Variants in ANKRD42 observed in about 807,000 individuals in gnomAD.
ANKRD42 encodes ankyrin repeat domain-containing protein 42.
A neutral mutation model predicts 51.5 loss-of-function variants in ANKRD42; 43 were observed. The observed-to-expected ratio is 0.83, with a 90% confidence interval of 0.65 to 1.08. ANKRD42 has a LOEUF of 1.08. ANKRD42 is among the 50% of genes least tolerant of loss of function. The pLI, the probability that ANKRD42 is intolerant of heterozygous loss-of-function variation, is 0.00. For missense variants in ANKRD42, 608 were observed against 629.3 expected, an observed-to-expected ratio of 0.97 and a Z score of 0.36; for synonymous variants, 203 against 213.0, an observed-to-expected ratio of 0.95 and a Z score of 0.41.
chr11:83,248,173 T>C lies in ANKRD42; in HGVS notation c.1553T>C (p.Leu518Ser), dbSNP rs1288530824. 1 of 1,525,138 alleles carries C rather than the reference T, an allele frequency of 6.6e-7. No homozygotes were observed. The highest frequency in any genetic ancestry group is 2.0e-5 in the Admixed American group (1 of 49,268). 94.5% of individuals were successfully genotyped at this position (1,525,138 alleles called of 1,614,324 possible). Residue 518 changes from leucine (L) to serine (S), a missense_variant, in exon 11 of 11, where the codon TTG (leucine) becomes TCG (serine). Leu to Ser is a moderately radical substitution (Grantham distance 145). Transcript: ENST00000533342. ...PRVQALGWGS[L>S]DLNPGYSLF is the part of the protein sequence containing the mutation. The stretch of plus-strand genomic sequence containing the variant: ...GTACAAGCTTTGGGCTGGGGCTCTT[T>C]GGACTTGAATCCTGGCTATAGTCTT...
At chr11:83,259,684 A>C (rs1863845382), downstream of ANKRD42, 1 of 152,262 alleles carries the variant, frequency 6.6e-6, no homozygotes, top group East Asian at 1.9e-4. Flanking sequence ...ACAGGGTCTC[A>C]TGTGTTGCCA....
intron 7 of ANKRD42, among the ~76,000 whole-genome samples, chr11:83,232,390 A>G (rs1011548789): frequency 6.6e-6 from 1 of 151,664 alleles, no homozygotes; most frequent in Non-Finnish European, 1.5e-5. Context: ...TCCTTTTTGG[A>G]TTGTTCACTG....
intron 5 of ANKRD42, among the ~76,000 whole-genome samples, chr11:83,212,402 A>C (rs900927389): frequency 1.3e-5 from 2 of 152,140 alleles, no homozygotes; most frequent in African/African-American, 4.8e-5. Flanking sequence ...TTTTTTAAAC[A>C]CTACTGCATA....
intron 2 of ANKRD42, among the ~76,000 whole-genome samples, chr11:83,200,516 G>C (rs1286827336): frequency 2.0e-5 from 3 of 152,074 alleles, no homozygotes; most frequent in African/African-American, 7.2e-5. Flanking sequence ...TCATCATTGA[G>C]TTGTTTCAGT....
intron 7 of ANKRD42, among the ~76,000 whole-genome samples, chr11:83,228,953 GTT>G (rs11365016): frequency 2.0e-5 from 3 of 148,400 alleles, no homozygotes; most frequent in African/African-American, 7.4e-5. Context: ...GTTTTTTTTT[GTT>G]TTTTTTTTAA....
intron 5 of ANKRD42, among the ~76,000 whole-genome samples, chr11:83,220,021 G>A (rs75182881): frequency 2.1e-3 from 318 of 152,316 alleles, no homozygotes; most frequent in African/African-American, 6.5e-3. Context: ...AAGTCTAGCC[G>A]GCAGACATTA....
chr11:83,238,699 G>A (rs1356309416), intron 8 of ANKRD42, among the ~76,000 whole-genome samples: 1 of 152,080 alleles, frequency 6.6e-6, no homozygotes, highest in African/African-American at 2.4e-5. Flanking sequence ...GCATGGTGGT[G>A]CTTGCCTGTA....
At chr11:83,261,717 C>A (rs769533899), downstream of ANKRD42, 44 of 404,290 alleles carry the variant, frequency 1.1e-4, no homozygotes, top group Non-Finnish European at 1.7e-4. Context: ...AATAAAGACA[C>A]ACACCTGCAC....
chr11:83,198,659 A>G lies in ANKRD42; in HGVS notation c.222+17A>G, dbSNP rs769791397. 1.9e-5 allele frequency: 29 copies of G among 1,553,776 alleles called. No homozygotes were observed. Among genetic ancestry groups the G allele is most frequent in the East Asian group, 2.4e-5 (1 of 41,548 alleles). Reference sequence around the variant, plus strand: ...AGTTTGGAGGTAAGAAACTATACATATCACTAAACTGAGGTAAGTTTTAGC... The same window carrying G: ...AGTTTGGAGGTAAGAAACTATACATGTCACTAAACTGAGGTAAGTTTTAGC... On this transcript the variant is annotated intron_variant, in intron 2 of 10. Coordinates refer to ENST00000533342, the MANE Select transcript of ANKRD42 (RefSeq NM_001300975.2).
At chr11:83,198,458 A>G (rs1362744478) in intron 1 of ANKRD42, 21 bp from the exon 2 acceptor site, 8 of 1,600,454 alleles carry the variant, frequency 5.0e-6, no homozygotes, top group Non-Finnish European at 6.0e-6. Flanking sequence ...GTACATTGTA[A>G]GTAATTTGAT....
chr11:83,259,315 C>T (rs1863833173), downstream of ANKRD42: 1 of 152,108 alleles, frequency 6.6e-6, no homozygotes, highest in Non-Finnish European at 1.5e-5. Context: ...CAAAAATTTA[C>T]CTGAACCCCA....
intron 8 of ANKRD42, among the ~76,000 whole-genome samples, chr11:83,239,030 C>A (rs765913279): frequency 1.1e-4 from 17 of 151,980 alleles, no homozygotes; most frequent in Non-Finnish European, 2.2e-4. Flanking sequence ...GCATTTCTGT[C>A]AGCAATGGAT....
exon 12 of ANKRD42, chr11:83,256,035 T>C (rs945254609): frequency 2.4e-6 from 2 of 822,862 alleles, no homozygotes; most frequent in Non-Finnish European, 3.6e-6. Flanking sequence ...TACTCTGATA[T>C]GCTTCTGTTC....
intron 1 of ANKRD42, among the ~76,000 whole-genome samples, chr11:83,195,905 C>T (rs371912088): frequency 5.4e-5 from 8 of 148,402 alleles, no homozygotes; most frequent in African/African-American, 1.5e-4. Flanking sequence ...AGTGCAGTGG[C>T]GCGGTCCTCA....
chr11:83,248,327 A>T lies in ANKRD42; in HGVS notation c.*123A>T. 2 of 1,318,258 alleles carry T rather than the reference A, an allele frequency of 1.5e-6. No homozygotes were observed. The highest frequency in any genetic ancestry group is 2.1e-5 in the South Asian group (1 of 47,820). The allele number at this position is 1,318,258 out of a possible 1,614,324, so 81.7% of individuals were successfully genotyped here. On this transcript the variant is annotated 3_prime_UTR_variant, in exon 11 of 11. Coordinates refer to ENST00000533342, the MANE Select transcript of ANKRD42 (RefSeq NM_001300975.2). ...CACACACACACACACACACACACACACACACACACTCTATATGTAACTATA... is the reference window on the plus strand; with the variant it reads ...CACACACACACACACACACACACACTCACACACACTCTATATGTAACTATA...
At chr11:83,202,868 G>C (rs1420138184) in intron 2 of ANKRD42, among the ~76,000 whole-genome samples, 2 of 152,036 alleles carry the variant, frequency 1.3e-5, no homozygotes, top group African/African-American at 2.4e-5. Flanking sequence ...TATTATAGGA[G>C]TCACATCATA....
At chr11:83,237,238 A>G (rs1863250363) in intron 8 of ANKRD42, among the ~76,000 whole-genome samples, 1 of 152,216 alleles carries the variant, frequency 6.6e-6, no homozygotes, top group Non-Finnish European at 1.5e-5. Flanking sequence ...ATACTGTATT[A>G]CATGGTATGT....
At position 83,245,568 on chromosome 11, in the gene ANKRD42, G is replaced by A; in HGVS notation, c.1266G>A (p.Leu422=). The change falls in exon 10 of 11, where the codon TTG becomes TTA. Residue 422 remains leucine, a synonymous_variant. Coordinates refer to ENST00000533342, the MANE Select transcript of ANKRD42 (RefSeq NM_001300975.2). ...LEIAESNYKH[L]GGITEEDLKQ... ...TTGCCGAGAGCAACTATAAACACTT[G>A]GGAGGCATAACAGAAGAAGATTTAA... 6.5e-7 allele frequency: 1 copy of A among 1,536,620 alleles called. No individual in the cohort carries two copies. The highest frequency in any genetic ancestry group is 1.2e-5 in the South Asian group (1 of 84,048).
exon 12 of ANKRD42, chr11:83,256,001 A>C: frequency 8.6e-7 from 1 of 1,160,010 alleles, no homozygotes; most frequent in Non-Finnish European, 1.2e-6. Flanking sequence ...TATAAATGTG[A>C]GTCTATACAA....
Sources: allele counts gnomAD v4.1 joint callset (sites outside exome capture counted in the v4.1 genomes callset), GRCh38; gene constraint gnomAD v4.1.1; transcripts MANE v1.5; gene names NCBI Gene and HGNC (gene_info 2026-07-23, HGNC 2026-07-21).